Variants in SNTG1 observed in about 807,000 individuals in gnomAD.
The protein encoded by SNTG1 is gamma-1-syntrophin.
In SNTG1, 39 loss-of-function variants were observed where a neutral mutation model predicts 74.7. The ratio of observed to expected loss-of-function variants is 0.52; its 90% confidence interval spans 0.40 to 0.68. SNTG1 has a LOEUF of 0.68. Ranked by LOEUF, SNTG1 falls within the 30% of genes least tolerant of loss-of-function variation. The pLI is 0.00. For synonymous variants in SNTG1, 254 were observed against 217.1 expected (o/e 1.17, Z -1.49); for missense variants, 685 against 609.5 (o/e 1.12, Z -1.30).
At chr8:49,952,578 G>A (rs1398983618) in intron 1 of SNTG1, among the ~76,000 whole-genome samples, 1 of 152,144 alleles carries the variant, frequency 6.6e-6, no homozygotes, top group African/African-American at 2.4e-5. Flanking sequence ...GGTTTAAGGA[G>A]GTACGTGGTA....
intron 13 of SNTG1, among the ~76,000 whole-genome samples, chr8:50,601,118 A>C (rs2094770773): frequency 8.1e-6 from 1 of 122,882 alleles, no homozygotes; most frequent in Non-Finnish European, 1.6e-5. Flanking sequence ...AGATCGCGTC[A>C]CTTCACTCCA....
chr8:50,134,086 C>T (rs930212099), intron 1 of SNTG1, among the ~76,000 whole-genome samples: 2 of 152,126 alleles, frequency 1.3e-5, no homozygotes, highest in Non-Finnish European at 2.9e-5. Context: ...TGCCAAGATT[C>T]AGTACATAAT....
intron 1 of SNTG1, among the ~76,000 whole-genome samples, chr8:50,010,004 C>G (rs565822054): frequency 1.3e-5 from 2 of 152,188 alleles, no homozygotes; most frequent in Admixed American, 6.5e-5. Context: ...TAAAAAAACC[C>G]AATTATTTAT....
intron 17 of SNTG1, among the ~76,000 whole-genome samples, chr8:50,723,349 C>G (rs2095492305): frequency 6.6e-6 from 1 of 152,148 alleles, no homozygotes; most frequent in Admixed American, 6.5e-5. Flanking sequence ...CAAATTAAGA[C>G]TATTACTAAT....
intron 2 of SNTG1, among the ~76,000 whole-genome samples, chr8:50,378,936 T>G (rs895391986): frequency 6.6e-6 from 1 of 152,064 alleles, no homozygotes; most frequent in Non-Finnish European, 1.5e-5. Context: ...TCAGCAGGAC[T>G]GACAGCCTGT....
chr8:50,376,746 T>TAGAG (rs1383678131), intron 2 of SNTG1, among the ~76,000 whole-genome samples: 9 of 111,054 alleles, frequency 8.1e-5, no homozygotes, highest in African/African-American at 2.8e-4. Flanking sequence ...TATATATATA[T>TAGAG]ATATATATAT....
intron 8 of SNTG1, chr8:50,457,894 G>T (rs558066793): frequency 6.6e-6 from 1 of 152,244 alleles, no homozygotes; most frequent in Non-Finnish European, 1.5e-5. Flanking sequence ...AGTGGTCTGC[G>T]TTTGTCCTTC....
chr8:50,229,149 A>G (rs1219029224), intron 2 of SNTG1, among the ~76,000 whole-genome samples: 4 of 151,620 alleles, frequency 2.6e-5, no homozygotes. Context: ...TATGCTTGGA[A>G]AGGAGATAAA....
intron 11 of SNTG1, among the ~76,000 whole-genome samples, chr8:50,552,632 G>C (rs142684593): frequency 4.7e-4 from 72 of 152,230 alleles, no homozygotes; most frequent in African/African-American, 1.6e-3. Flanking sequence ...ATATTTTATT[G>C]CCTGTTTTTA....
chr8:49,947,981 A>G (rs1042094976), intron 1 of SNTG1, among the ~76,000 whole-genome samples: 1 of 152,040 alleles, frequency 6.6e-6, no homozygotes. Flanking sequence ...AAATACAAAA[A>G]TTAGCTGGTT....
At chr8:50,513,058 T>C (rs2094097729) in intron 9 of SNTG1, among the ~76,000 whole-genome samples, 1 of 152,172 alleles carries the variant, frequency 6.6e-6, no homozygotes. Flanking sequence ...TATCTACCTT[T>C]GGTCTTTGAT....
At chr8:50,733,455 G>C (rs770082472) in intron 17 of SNTG1, among the ~76,000 whole-genome samples, 1 of 151,976 alleles carries the variant, frequency 6.6e-6, no homozygotes, top group Non-Finnish European at 1.5e-5. Context: ...CCAGTAATGG[G>C]ATATCTGGGC....
chr8:49,965,456 C>T (rs1401784784), intron 1 of SNTG1, among the ~76,000 whole-genome samples: 1 of 152,196 alleles, frequency 6.6e-6, no homozygotes, highest in Non-Finnish European at 1.5e-5. Flanking sequence ...CACTTTGATT[C>T]TCATGCTTAC....
At chr8:50,607,877 A>T (rs1239746430) in intron 13 of SNTG1, among the ~76,000 whole-genome samples, 7 of 151,710 alleles carry the variant, frequency 4.6e-5, no homozygotes, top group Non-Finnish European at 5.9e-5. Context: ...GCTTTACTGC[A>T]TCTCATTGAA....
At chr8:50,122,749 T>C (rs913948938) in intron 1 of SNTG1, among the ~76,000 whole-genome samples, 1 of 140,938 alleles carries the variant, frequency 7.1e-6, no homozygotes, top group African/African-American at 2.6e-5. Flanking sequence ...TGAAGGAGGA[T>C]AGGAGTAGCA....
chr8:50,791,438 G>A (rs1224210773), intron 18 of SNTG1, among the ~76,000 whole-genome samples: 1 of 151,814 alleles, frequency 6.6e-6, no homozygotes, highest in Non-Finnish European at 1.5e-5. Context: ...GCATAGCTAT[G>A]TCTTCTATAT....
At position 50,790,377 on chromosome 8, in the gene SNTG1, T is replaced by C. The variant is rs12056595; in HGVS notation, c.1396-2294T>C. Among the ~76,000 whole-genome samples, 605 of 152,054 alleles carry C rather than the reference T, an allele frequency of 4.0e-3. 16 individuals are homozygous for C. In the East Asian group the frequency reaches 0.08, roughly 20 times the overall value. On this transcript the variant is annotated intron_variant, in intron 18 of 18. Transcript: ENST00000642720. ...TACATTTTTGAAGATAGCTTATATTTAGTGATATCTGAGGGATCATGATGA... is the reference window on the plus strand; with the variant it reads ...TACATTTTTGAAGATAGCTTATATTCAGTGATATCTGAGGGATCATGATGA...
intron 1 of SNTG1, among the ~76,000 whole-genome samples, chr8:49,999,767 C>T (rs1814579141): frequency 6.6e-6 from 1 of 152,152 alleles, no homozygotes; most frequent in African/African-American, 2.4e-5. Flanking sequence ...GCCAGTGCTT[C>T]CTGTTTCCAC....
At chr8:50,290,363 G>A (rs1563851578) in intron 2 of SNTG1, among the ~76,000 whole-genome samples, 1 of 152,134 alleles carries the variant, frequency 6.6e-6, no homozygotes, top group Non-Finnish European at 1.5e-5. Context: ...AATGCCTAAA[G>A]GTCCTTGAAA....
Sources: gnomAD v4.1 joint callset for allele counts (sites outside exome capture counted in the v4.1 genomes callset) on GRCh38, gnomAD v4.1.1 for gene constraint, MANE v1.5 for transcripts, NCBI Gene and HGNC (gene_info 2026-07-23, HGNC 2026-07-21) for gene names.